The following RBFOX3 variants were observed in gnomAD, a reference collection of about 807,000 sequenced individuals.
The protein encoded by RBFOX3 is RNA binding protein fox-1 homolog 3.
A neutral mutation model predicts 48.7 loss-of-function variants in RBFOX3; 17 were observed. The observed-to-expected ratio is 0.35, with a 90% CI of 0.24 to 0.52. The LOEUF (loss-of-function observed/expected upper bound fraction) is 0.52. RBFOX3 is among the 20% of genes least tolerant of loss of function. The pLI is 0.94. For synonymous variants in RBFOX3, 212 were observed against 209.5 expected, an observed-to-expected ratio of 1.01 and a Z score of -0.10; for missense variants, 382 against 497.5, an observed-to-expected ratio of 0.77 and a Z score of 2.21.
At chr17:79,518,620 AGGGC>A (rs2085601508) in intron 1 of RBFOX3, among the ~76,000 whole-genome samples, 1 of 152,200 alleles carries the variant, frequency 6.6e-6, no homozygotes, top group African/African-American at 2.4e-5. Flanking sequence ...CACCACTGGA[AGGGC>A]AGGCCTGGCG....
chr17:79,150,074 T>TGAGGG, intron 4 of RBFOX3, among the ~76,000 whole-genome samples: 1 of 103,764 alleles, frequency 9.6e-6, no homozygotes, highest in Non-Finnish European at 2.0e-5. Context: ...GGGTGGGGGT[T>TGAGGG]TGGGGTGGAT....
chr17:79,171,569 A>G (rs1271932545), intron 4 of RBFOX3, among the ~76,000 whole-genome samples: 1 of 152,178 alleles, frequency 6.6e-6, no homozygotes, highest in Non-Finnish European at 1.5e-5. Context: ...AGACCCCTGC[A>G]CTAGATCTCT....
At chr17:79,422,886 C>T (rs1423427011) in intron 2 of RBFOX3, among the ~76,000 whole-genome samples, 1 of 152,110 alleles carries the variant, frequency 6.6e-6, no homozygotes, top group Non-Finnish European at 1.5e-5. Flanking sequence ...GACAGCAGGG[C>T]GATATGCACT....
chr17:79,574,476 C>A (rs1333792490), intron 1 of RBFOX3, among the ~76,000 whole-genome samples: 3 of 152,176 alleles, frequency 2.0e-5, no homozygotes, highest in African/African-American at 7.2e-5. Context: ...CTAAGAGACA[C>A]CCCCGCCAGC....
At chr17:79,226,068 G>A (rs9901857) in intron 4 of RBFOX3, among the ~76,000 whole-genome samples, 30,056 of 152,102 alleles carry the variant, frequency 0.2, 3,872 homozygotes, top group African/African-American at 0.37. Flanking sequence ...GAGGCTTTCT[G>A]GGGAGAATAT....
intron 2 of RBFOX3, among the ~76,000 whole-genome samples, chr17:79,389,469 C>G (rs370758100): frequency 1.3e-5 from 2 of 152,184 alleles, no homozygotes; most frequent in East Asian, 1.9e-4. Context: ...GCTGACAGCC[C>G]TTGAGGGGGT....
At chr17:79,569,647 C>T (rs1309198544) in intron 1 of RBFOX3, among the ~76,000 whole-genome samples, 7 of 152,198 alleles carry the variant, frequency 4.6e-5, no homozygotes, top group East Asian at 1.9e-4. Flanking sequence ...TAAATGCTAA[C>T]GTGCATTTAT....
chr17:79,262,418 A>T (rs144858217), intron 3 of RBFOX3, among the ~76,000 whole-genome samples: 1,672 of 152,372 alleles, frequency 0.011, 31 homozygotes, highest in African/African-American at 0.038. Context: ...TTTCCCTGCC[A>T]GGACTTGCAC....
intron 1 of RBFOX3, among the ~76,000 whole-genome samples, chr17:79,558,404 G>C (rs2091936090): frequency 1.3e-5 from 2 of 152,342 alleles, no homozygotes; most frequent in Admixed American, 6.5e-5. Context: ...ACCGTCCGGA[G>C]GGTCCAGGCG....
At chr17:79,244,502 G>A (rs897524793) in intron 3 of RBFOX3, among the ~76,000 whole-genome samples, 3 of 114,456 alleles carry the variant, frequency 2.6e-5, no homozygotes, top group Non-Finnish European at 5.1e-5. Flanking sequence ...CCACCTTCAG[G>A]GCAGTGCCAG....
At chr17:79,350,091 A>G (rs8068363) in intron 2 of RBFOX3, among the ~76,000 whole-genome samples, 2,146 of 152,274 alleles carry the variant, frequency 0.014, 54 homozygotes, top group African/African-American at 0.049. Flanking sequence ...CAGACACTCA[A>G]GCCAGCCAAT....
chr17:79,304,888 C>T (rs1203518785), intron 3 of RBFOX3, among the ~76,000 whole-genome samples: 2 of 152,326 alleles, frequency 1.3e-5, no homozygotes, highest in East Asian at 1.9e-4. Context: ...CAGAGTCTTG[C>T]TTACACCTGC....
At chr17:79,218,145 T>G (rs1043377431) in intron 4 of RBFOX3, among the ~76,000 whole-genome samples, 7 of 151,896 alleles carry the variant, frequency 4.6e-5, no homozygotes, top group African/African-American at 1.7e-4. Context: ...GGCTCATTTT[T>G]GAGTGTGAGT....
At chr17:79,289,695 G>A (rs2072837341) in intron 3 of RBFOX3, among the ~76,000 whole-genome samples, 1 of 152,214 alleles carries the variant, frequency 6.6e-6, no homozygotes, top group South Asian at 2.1e-4. Context: ...ACTCAAAGCT[G>A]CCTCCCAGCT....
chr17:79,348,547 A>G (rs1568085852), intron 2 of RBFOX3, among the ~76,000 whole-genome samples: 1 of 150,068 alleles, frequency 6.7e-6, no homozygotes, highest in South Asian at 2.1e-4. Flanking sequence ...TACCATCAGA[A>G]CAAACCCAAT....
chr17:79,170,166 A>G (rs1466196916), intron 4 of RBFOX3, among the ~76,000 whole-genome samples: 2 of 147,984 alleles, frequency 1.4e-5, no homozygotes, highest in Non-Finnish European at 3.0e-5. Flanking sequence ...AGGAGGAAGG[A>G]GGAAGGAAGG....
At chr17:79,166,482 C>T (rs551007015) in intron 4 of RBFOX3, among the ~76,000 whole-genome samples, 13 of 151,976 alleles carry the variant, frequency 8.6e-5, no homozygotes, top group African/African-American at 3.1e-4. Context: ...GAAGGGGAGT[C>T]CAAGAGCCAC....
At chr17:79,353,309 G>A (rs1295080597) in intron 2 of RBFOX3, among the ~76,000 whole-genome samples, 3 of 152,114 alleles carry the variant, frequency 2.0e-5, no homozygotes, top group Non-Finnish European at 4.4e-5. Context: ...TCCATGGGGT[G>A]GGATCTTCCC....
At chr17:79,624,332 G>A in the RBFOX3 span, among the ~76,000 whole-genome samples, 1 of 152,048 alleles carries the variant, frequency 6.6e-6, no homozygotes, top group Non-Finnish European at 1.5e-5. Context: ...CCACATGGCT[G>A]GCCTTAGCTG....
Sources: gnomAD v4.1 joint callset for allele counts (sites outside exome capture counted in the v4.1 genomes callset) on GRCh38, gnomAD v4.1.1 for gene constraint, MANE v1.5 for transcripts, NCBI Gene and HGNC (gene_info 2026-07-23, HGNC 2026-07-21) for gene names.